The following GCSH variants were observed in gnomAD, a reference collection of about 807,000 sequenced individuals.
The protein encoded by GCSH is glycine cleavage system protein H.
GCSH carries 15 observed loss-of-function variants against 21.3 expected under a neutral mutation model. That is an observed-to-expected ratio of 0.70 (90% CI 0.47 to 1.08). The LOEUF (loss-of-function observed/expected upper bound fraction) is 1.08. Among genes scored for constraint, GCSH ranks in the 50% least tolerant of loss-of-function variants. The probability of loss-of-function intolerance (pLI) is 0.00; values close to 1 mark genes in which losing one functional copy is unlikely to be tolerated. For missense variants in GCSH, 179 were observed against 217.5 expected, an observed-to-expected ratio of 0.82 and a Z score of 1.11; for synonymous variants, 59 against 84.5, an observed-to-expected ratio of 0.70 and a Z score of 1.66.
chr16:81,096,389 A>G lies in GCSH; in HGVS notation c.-111T>C. 1.1e-6 allele frequency: 1 copy of G among 875,524 alleles called. No homozygotes were observed. The highest frequency in any genetic ancestry group is 1.6e-6 in the Non-Finnish European group (1 of 644,862). 54.2% of individuals were successfully genotyped at this position (875,524 alleles called of 1,614,324 possible). On this transcript the variant is annotated 5_prime_UTR_variant, in exon 1 of 5. Coordinates refer to ENST00000315467, the MANE Select transcript of GCSH (RefSeq NM_004483.5). Reference sequence around the variant, plus strand: ...GGGAGCCGGCTGGATGGAGGCGCGGAGGCGGTGCCGCGGGGGCGGGACAGA... The same window carrying G: ...GGGAGCCGGCTGGATGGAGGCGCGGGGGCGGTGCCGCGGGGGCGGGACAGA...
At chr16:81,094,021 C>G (rs1036622933) in intron 1 of GCSH, among the ~76,000 whole-genome samples, 3 of 152,108 alleles carry the variant, frequency 2.0e-5, no homozygotes, top group African/African-American at 7.2e-5. Context: ...GCCTCATCCT[C>G]CCAAGGAGCT....
At chr16:81,087,478 A>G in intron 3 of GCSH, 123 bp downstream of exon 3, 1 of 748,696 alleles carries the variant, frequency 1.3e-6, no homozygotes, top group Non-Finnish European at 2.3e-6. Flanking sequence ...AGCCTGGGTG[A>G]CAAAGCAAGA....
At position 81,087,578 on chromosome 16, in the gene GCSH, T is replaced by C. The variant is rs8177910; in HGVS notation, c.292+23A>G. On this transcript the variant is annotated intron_variant, in intron 3 of 4. Transcript: ENST00000315467. ...AAACAAAATTCATGGCATGGATCAT[T>C]CTAAGATCCTAAGAACACTCACCTT... is the stretch of plus-strand genomic sequence containing the variant. The C allele has an allele frequency of 8.2e-3, 12,495 of 1,515,856 alleles. 501 individuals carry two copies. The African/African-American group carries it at 0.12, about 14-fold the overall frequency. 93.9% of individuals were successfully genotyped at this position (1,515,856 alleles called of 1,614,324 possible). A position where few individuals can be genotyped will look rare whatever the true frequency, so the allele number is the denominator to read the frequency against.
intron 1 of GCSH, chr16:81,091,137 G>A (rs185163099): frequency 1.8e-4 from 80 of 450,916 alleles, no homozygotes; most frequent in Non-Finnish European, 1.3e-5. Flanking sequence ...TAATAATCAG[G>A]TGCCTCTTTA....
At chr16:81,088,527 T>A (rs1972330498) in intron 2 of GCSH, among the ~76,000 whole-genome samples, 1 of 152,142 alleles carries the variant, frequency 6.6e-6, no homozygotes, top group Admixed American at 6.6e-5. Flanking sequence ...GCCTCCCAAG[T>A]AGCTGGGATT....
chr16:81,086,263 C>T (rs8177933), intron 3 of GCSH, among the ~76,000 whole-genome samples: 4 of 137,580 alleles, frequency 2.9e-5, no homozygotes, highest in African/African-American at 1.3e-4. Flanking sequence ...CCAGGAACGG[C>T]GGCTCATGCT....
intron 1 of GCSH, 42 bp downstream of exon 1, chr16:81,096,089 A>C: frequency 8.1e-7 from 1 of 1,231,100 alleles, no homozygotes. Flanking sequence ...CAAGCAGCCC[A>C]GGCGGGGAGG....
chr16:81,095,183 G>A (rs925779128), intron 1 of GCSH, among the ~76,000 whole-genome samples: 2 of 152,132 alleles, frequency 1.3e-5, no homozygotes, highest in Non-Finnish European at 2.9e-5. Context: ...TTCATGGGCA[G>A]GTTTCCCAGT....
At chr16:81,084,416 AT>A in intron 4 of GCSH, 46 bp downstream of exon 4, 1 of 1,416,872 alleles carries the variant, frequency 7.1e-7, no homozygotes, top group Non-Finnish European at 1.0e-6. Flanking sequence ...TAGATAAAAT[AT>A]TTACTGTAGT....
chr16:81,096,365 G>C lies in GCSH; in HGVS notation c.-87C>G. 3 of 1,112,222 alleles carry C rather than the reference G, an allele frequency of 2.7e-6. No individual in the cohort carries two copies. Among genetic ancestry groups the C allele is most frequent in the African/African-American group, 1.7e-5 (1 of 60,412 alleles). The allele number at this position is 1,112,222 out of a possible 1,614,324, so 68.9% of individuals were successfully genotyped here. Reference sequence around the variant, plus strand: ...GGGGAGGGGCAGTTCGCGGCCGGAGGGAGCCGGCTGGATGGAGGCGCGGAG... The same window carrying C: ...GGGGAGGGGCAGTTCGCGGCCGGAGCGAGCCGGCTGGATGGAGGCGCGGAG... On this transcript the variant is annotated 5_prime_UTR_variant, in exon 1 of 5. Coordinates refer to ENST00000315467, the MANE Select transcript of GCSH (RefSeq NM_004483.5).
chr16:81,087,403 C>T (rs893406348), intron 3 of GCSH, among the ~76,000 whole-genome samples, 198 bp downstream of exon 3: 1 of 151,538 alleles, frequency 6.6e-6, no homozygotes, highest in Non-Finnish European at 1.5e-5. Flanking sequence ...GTGCCTGAGA[C>T]ACAAGAATCG....
chr16:81,085,710 A>C (rs986377622), intron 3 of GCSH, among the ~76,000 whole-genome samples: 14 of 152,094 alleles, frequency 9.2e-5, no homozygotes, highest in Admixed American at 9.2e-4. Flanking sequence ...ATACAAAAAA[A>C]TTAGCCGGGC....
chr16:81,092,207 G>A (rs1334788025), intron 1 of GCSH, among the ~76,000 whole-genome samples: 1 of 151,850 alleles, frequency 6.6e-6, no homozygotes, highest in Non-Finnish European at 1.5e-5. Context: ...CCAAGTCTAG[G>A]TTCTTAGGCC....
intron 2 of GCSH, among the ~76,000 whole-genome samples, chr16:81,090,320 G>A (rs568414410): frequency 1.5e-4 from 23 of 151,782 alleles, no homozygotes; most frequent in African/African-American, 5.1e-4. Flanking sequence ...GGGCTCCAGC[G>A]ACCCTCCTGC....
intron 1 of GCSH, chr16:81,091,389 C>T (rs8177867): frequency 1.6e-5 from 4 of 255,966 alleles, no homozygotes; most frequent in East Asian, 1.2e-4. Flanking sequence ...GCTCTGCTCA[C>T]CACTCACTGG....
intron 3 of GCSH, among the ~76,000 whole-genome samples, chr16:81,086,208 A>AAAAAAAAAAC: frequency 6.6e-3 from 1 of 152 alleles, no homozygotes; most frequent in African/African-American, 7.5e-3. Flanking sequence ...AAAAAAAAAA[A>AAAAAAAAAAC]AAAAAAAAAC....
At chr16:81,094,248 G>A (rs556148939) in intron 1 of GCSH, among the ~76,000 whole-genome samples, 19 of 152,126 alleles carry the variant, frequency 1.2e-4, no homozygotes, top group Admixed American at 4.6e-4. Context: ...TTTGGCCTCG[G>A]AAAATTAGGA....
intron 1 of GCSH, among the ~76,000 whole-genome samples, chr16:81,095,773 G>A (rs1054115447): frequency 6.6e-6 from 1 of 150,994 alleles, no homozygotes; most frequent in Non-Finnish European, 1.5e-5. Context: ...ACGCAGATGG[G>A]AGATAAACTT....
intron 3 of GCSH, among the ~76,000 whole-genome samples, chr16:81,085,400 CCTAT>C (rs1278959914): frequency 2.0e-5 from 3 of 152,086 alleles, no homozygotes; most frequent in Non-Finnish European, 4.4e-5. Context: ...ATAAAGTGGA[CCTAT>C]CTGTGTGTCC....
Sources: gnomAD v4.1 joint callset for allele counts (sites outside exome capture counted in the v4.1 genomes callset) on GRCh38, gnomAD v4.1.1 for gene constraint, MANE v1.5 for transcripts, NCBI Gene and HGNC (gene_info 2026-07-23, HGNC 2026-07-21) for gene names.